Variants in GRIA2 observed in about 807,000 individuals in gnomAD.
The protein encoded by GRIA2 is glutamate ionotropic receptor AMPA type subunit 2, also known as glutamate receptor 2.
In GRIA2, 14 loss-of-function variants were observed where a neutral mutation model predicts 97.3. The ratio of observed to expected loss-of-function variants is 0.14; its 90% CI spans 0.10 to 0.23. The LOEUF is 0.23. Ranked by LOEUF, GRIA2 falls within the 10% of genes least tolerant of loss-of-function variation. The pLI is 1.00. For synonymous variants in GRIA2, 412 were observed against 387.8 expected, an observed-to-expected ratio of 1.06 and a Z score of -0.73; for missense variants, 558 against 1,069.8, an observed-to-expected ratio of 0.52 and a Z score of 6.67.
chr4:157,233,246 T>A (rs2126698152), intron 2 of GRIA2, among the ~76,000 whole-genome samples: 1 of 152,264 alleles, frequency 6.6e-6, no homozygotes, highest in Non-Finnish European at 1.5e-5. Context: ...AGGACGAGAA[T>A]GATTTTTAAA....
chr4:157,231,315 A>G (rs963904225), intron 2 of GRIA2, among the ~76,000 whole-genome samples: 3 of 152,158 alleles, frequency 2.0e-5, no homozygotes, highest in African/African-American at 7.2e-5. Context: ...CTGGGATTAC[A>G]GACGTGAGCC....
intron 11 of GRIA2, among the ~76,000 whole-genome samples, chr4:157,337,304 T>C (rs1735330179): frequency 6.6e-6 from 1 of 152,060 alleles, no homozygotes; most frequent in African/African-American, 2.4e-5. Flanking sequence ...TGGAAGGGAC[T>C]AATCATTCAT....
At chr4:157,226,933 G>T (rs1184140318) in intron 2 of GRIA2, among the ~76,000 whole-genome samples, 1 of 152,078 alleles carries the variant, frequency 6.6e-6, no homozygotes, top group Non-Finnish European at 1.5e-5. Context: ...ATGCCTCTTT[G>T]TATGTCAGAA....
intron 2 of GRIA2, among the ~76,000 whole-genome samples, chr4:157,234,905 T>C (rs1714526092): frequency 6.6e-6 from 1 of 152,146 alleles, no homozygotes; most frequent in African/African-American, 2.4e-5. Context: ...AGATTTTTAC[T>C]TACTGACAAT....
intron 3 of GRIA2, among the ~76,000 whole-genome samples, chr4:157,306,055 G>A (rs115074720): frequency 2.0e-3 from 297 of 152,236 alleles, no homozygotes; most frequent in African/African-American, 6.9e-3. Flanking sequence ...AGTATTTTAA[G>A]TTCAAGGTGA....
intron 2 of GRIA2, among the ~76,000 whole-genome samples, chr4:157,299,791 T>C (rs1204466304): frequency 6.6e-6 from 1 of 152,228 alleles, no homozygotes; most frequent in Non-Finnish European, 1.5e-5. Context: ...TCAAAGTTGA[T>C]ATTAAATATT....
At chr4:157,360,268 C>A in intron 13 of GRIA2, 125 bp downstream of exon 13, 1 of 883,988 alleles carries the variant, frequency 1.1e-6, no homozygotes, top group Non-Finnish European at 1.7e-6. Flanking sequence ...CAAAAATGAC[C>A]AAAAAACGTT....
chr4:157,321,818 A>G (rs2126906545), intron 6 of GRIA2, among the ~76,000 whole-genome samples: 1 of 152,230 alleles, frequency 6.6e-6, no homozygotes, highest in South Asian at 2.1e-4. Flanking sequence ...ACTTCCGTAC[A>G]CCTATGATAA....
rs554301205 is a variant in GRIA2, at chr4:157,326,404, G to T, written c.882+4805G>T. Among the ~76,000 whole-genome samples, 5 of 152,022 alleles carry T rather than the reference G, an allele frequency of 3.3e-5. No homozygotes were observed. In the East Asian group the frequency reaches 9.6e-4, roughly 29 times the overall value. ...GTTAATTATCTCCTCCTACTTGAAA[G>T]TAAGTGCCATTTAAAAAAAATTCAT... is the stretch of plus-strand genomic sequence containing the variant. On this transcript the variant is annotated intron_variant, in intron 6 of 15. Coordinates refer to ENST00000264426, the MANE Select transcript of GRIA2 (RefSeq NM_001083619.3).
At chr4:157,276,634 C>T (rs1038362525) in intron 2 of GRIA2, among the ~76,000 whole-genome samples, 4 of 151,138 alleles carry the variant, frequency 2.6e-5, no homozygotes, top group African/African-American at 9.7e-5. Context: ...TATCAATCAG[C>T]TTCTAGACAG....
chr4:157,318,405 G>A (rs181774155), intron 5 of GRIA2, among the ~76,000 whole-genome samples: 1 of 152,186 alleles, frequency 6.6e-6, no homozygotes, highest in East Asian at 1.9e-4. Context: ...TACTATGTAA[G>A]CAACCAAATG....
At chr4:157,256,648 C>A (rs1267561948) in intron 2 of GRIA2, among the ~76,000 whole-genome samples, 1 of 151,854 alleles carries the variant, frequency 6.6e-6, no homozygotes, top group East Asian at 1.9e-4. Flanking sequence ...GAATTAATTT[C>A]TTATTGAGGA....
intron 2 of GRIA2, among the ~76,000 whole-genome samples, chr4:157,253,524 TCTG>T (rs1731107000): frequency 6.6e-6 from 1 of 152,130 alleles, no homozygotes; most frequent in Non-Finnish European, 1.5e-5. Flanking sequence ...AGTATATTCT[TCTG>T]AAACTGTTTG....
chr4:157,293,923 G>A (rs1234884519), intron 2 of GRIA2, among the ~76,000 whole-genome samples: 1 of 152,106 alleles, frequency 6.6e-6, no homozygotes, highest in Non-Finnish European at 1.5e-5. Context: ...TGGCAATTTA[G>A]AGATGAATGC....
chr4:157,336,623 A>G lies in GRIA2; in HGVS notation c.1720A>G (p.Thr574Ala). The G allele has an allele frequency of 6.2e-7, 1 of 1,613,512 alleles. No individual in the cohort carries two copies. ...CAGATTTAGCCCCTACGAGTGGCAC[A>G]CTGAGGAGTTTGAAGATGGAAGAGA... ...VSRFSPYEWH[T>A]EEFEDGRETQ... The change falls in exon 11 of 16, where the codon ACT (threonine) becomes GCT (alanine). Residue 574 changes from threonine to alanine, a missense_variant. Thr to Ala is a moderately conservative substitution (Grantham distance 58). Around this residue, in one of 8 missense-constraint regions of GRIA2, gnomAD observed 125 missense variants for 310.2 expected, o/e 0.40. Coordinates refer to ENST00000264426, the MANE Select transcript of GRIA2 (RefSeq NM_001083619.3).
intron 2 of GRIA2, chr4:157,249,833 AAG>A (rs1461212280): frequency 1.3e-5 from 2 of 152,154 alleles, no homozygotes; most frequent in Non-Finnish European, 2.9e-5. Context: ...AAAATCTTGA[AAG>A]AGAACCACCA....
At chr4:157,306,993 C>A (rs1444297932) in intron 3 of GRIA2, among the ~76,000 whole-genome samples, 1 of 152,128 alleles carries the variant, frequency 6.6e-6, no homozygotes, top group Non-Finnish European at 1.5e-5. Context: ...CAGTTTCAAA[C>A]AATTTGGTCT....
chr4:157,239,916 C>G (rs2126713617), intron 2 of GRIA2, among the ~76,000 whole-genome samples: 1 of 151,994 alleles, frequency 6.6e-6, no homozygotes, highest in East Asian at 1.9e-4. Flanking sequence ...TATCGTATAT[C>G]TAATTCATGT....
intron 6 of GRIA2, among the ~76,000 whole-genome samples, chr4:157,330,912 A>G (rs565482728): frequency 1.7e-4 from 26 of 152,144 alleles, no homozygotes; most frequent in Admixed American, 4.6e-4. Context: ...GGAGATAGTT[A>G]CATTGCCATC....
Sources: gnomAD v4.1 joint callset for allele counts (sites outside exome capture counted in the v4.1 genomes callset) on GRCh38, gnomAD v4.1.1 for gene constraint, gnomAD v4.1.1 regional missense constraint, MANE v1.5 for transcripts, NCBI Gene and HGNC (gene_info 2026-07-23, HGNC 2026-07-21) for gene names.